ZNF536: variants seen among roughly 807,000 people sequenced by gnomAD.
ZNF536 encodes zinc finger protein 536.
A neutral mutation model predicts 84.5 loss-of-function variants in ZNF536; 13 were observed. The observed-to-expected ratio is 0.15, with a 90% CI of 0.10 to 0.24. ZNF536 has a LOEUF of 0.24. Ranked by LOEUF, ZNF536 falls within the 10% of genes least tolerant of loss-of-function variation. ZNF536 has a pLI of 1.00. For synonymous variants in ZNF536, 811 were observed against 742.5 expected (o/e 1.09, Z -1.50); for missense variants, 1,536 against 1,747.5 (o/e 0.88, Z 2.16).
chr19:30,599,477 T>TCCTTCCTTCTTTCCTC (rs1314275722), intron 1 of ZNF536, among the ~76,000 whole-genome samples: 4 of 102,432 alleles, frequency 3.9e-5, no homozygotes, highest in Non-Finnish European at 5.7e-5. Flanking sequence ...CCTCCTTCCT[T>TCCTTCCTTCTTTCCTC]CCTTCCCTCC....
chr19:30,371,816 A>G (rs1043001903), upstream of ZNF536, among the ~76,000 whole-genome samples: 3 of 150,958 alleles, frequency 2.0e-5, no homozygotes, highest in African/African-American at 7.3e-5. Context: ...ATATATATAT[A>G]TGCATATATA....
chr19:30,649,235 G>A (rs1315430398), intron 1 of ZNF536, among the ~76,000 whole-genome samples: 1 of 152,192 alleles, frequency 6.6e-6, no homozygotes, highest in Non-Finnish European at 1.5e-5. Context: ...CACATTTCCA[G>A]AATCGGACAT....
At chr19:30,701,232 GACACAC>G (rs1448856078) in intron 1 of ZNF536, among the ~76,000 whole-genome samples, 1 of 145,650 alleles carries the variant, frequency 6.9e-6, no homozygotes, top group Non-Finnish European at 1.5e-5. Flanking sequence ...AACACACACA[GACACAC>G]ACAAACACAA....
chr19:30,477,208 G>A (rs951835277), intron 2 of ZNF536, among the ~76,000 whole-genome samples: 1 of 152,118 alleles, frequency 6.6e-6, no homozygotes, highest in African/African-American at 2.4e-5. Context: ...TCACCCTTAT[G>A]TATTTAACTA....
At chr19:30,536,156 C>T (rs940692806) in intron 3 of ZNF536, among the ~76,000 whole-genome samples, 5 of 152,192 alleles carry the variant, frequency 3.3e-5, no homozygotes, top group Non-Finnish European at 7.4e-5. Context: ...ATGCGACCTG[C>T]CCATGCCTTG....
intron 3 of ZNF536, among the ~76,000 whole-genome samples, chr19:30,537,447 C>T (rs1212265899): frequency 6.6e-6 from 1 of 152,182 alleles, no homozygotes. Context: ...ACACAGAACC[C>T]TGGACCACAT....
At chr19:30,338,149 G>A (rs2047443604) in intron 2 of ZNF536, among the ~76,000 whole-genome samples, 1 of 151,804 alleles carries the variant, frequency 6.6e-6, no homozygotes, top group African/African-American at 2.4e-5. Context: ...TGATGATTGT[G>A]ATGATTGTGA....
chr19:30,400,160 C>G (rs1259938363), intron 1 of ZNF536, among the ~76,000 whole-genome samples: 1 of 151,020 alleles, frequency 6.6e-6, no homozygotes. Flanking sequence ...CAGAATTTGG[C>G]TGTTATAGCC....
intron 2 of ZNF536, among the ~76,000 whole-genome samples, chr19:30,507,174 C>A (rs2055209545): frequency 1.3e-5 from 2 of 152,056 alleles, no homozygotes; most frequent in Admixed American, 1.3e-4. Flanking sequence ...CCAGCCTGGC[C>A]AATATGGCAA....
intron 1 of ZNF536, among the ~76,000 whole-genome samples, chr19:30,422,109 C>T (rs1413462991): frequency 5.3e-5 from 8 of 152,168 alleles, no homozygotes; most frequent in East Asian, 3.9e-4. Context: ...AGGTGATATG[C>T]GGGTGCCTGA....
intron 1 of ZNF536, among the ~76,000 whole-genome samples, chr19:30,705,493 A>G (rs932798696): frequency 6.6e-6 from 1 of 151,536 alleles, no homozygotes; most frequent in African/African-American, 2.4e-5. Flanking sequence ...TAAGTACTTT[A>G]TATCCATTGG....
At chr19:30,545,352 A>G (rs2045500767) in intron 3 of ZNF536, among the ~76,000 whole-genome samples, 1 of 147,966 alleles carries the variant, frequency 6.8e-6, no homozygotes, top group South Asian at 2.1e-4. Context: ...TCTAATGCAC[A>G]ATACAGTTTA....
intron 1 of ZNF536, among the ~76,000 whole-genome samples, chr19:30,706,517 G>A (rs965446991): frequency 6.6e-6 from 1 of 150,924 alleles, no homozygotes; most frequent in Non-Finnish European, 1.5e-5. Context: ...AAATACAATA[G>A]ACAGTTTTGC....
intron 2 of ZNF536, among the ~76,000 whole-genome samples, chr19:30,491,555 G>A (rs1408454911): frequency 1.3e-5 from 2 of 152,134 alleles, no homozygotes; most frequent in Non-Finnish European, 2.9e-5. Context: ...TGTGTCCCCT[G>A]CCCTCCCCTC....
rs867500698 is a variant in ZNF536 at position 30,606,296 on chromosome 19, A to T, written c.169+56782A>T. Among the ~76,000 whole-genome samples, 94 of 110,962 alleles carry T rather than the reference A, an allele frequency of 8.5e-4. 4 individuals are homozygous for T. The highest frequency in any genetic ancestry group is 3.3e-3 in the African/African-American group (90 of 27,446). The allele number at this position is 110,962 out of a possible 152,430, so 72.8% of individuals were successfully genotyped here. ...TAAAATAAAATAAAATAAAATAAAT[A>T]AAATAAAATAAAATAAAATAAAAAT... is the stretch of plus-strand genomic sequence containing the variant. On this transcript the variant is annotated intron_variant, in intron 1 of 1. Transcript: ENST00000592773.
At position 30,411,667 on chromosome 19, in the gene ZNF536, T is replaced by C. The variant is rs184555418; in HGVS notation, c.-2-31894T>C. 6.7e-3 allele frequency among the ~76,000 whole-genome samples: 1,013 copies of C among 152,276 alleles called. 47 individuals carry two copies. Among genetic ancestry groups the C allele is most frequent in the Admixed American group, 0.061 (937 of 15,304 alleles). ...TACCTGGTTCATTGACATATTTGTC[T>C]ACTTCTGTATACTACCACATTATTT... On this transcript the variant is annotated intron_variant, in intron 1 of 4. Transcript: ENST00000355537.
chr19:30,247,304 C>G (rs2024334715), intron 1 of ZNF536, among the ~76,000 whole-genome samples: 1 of 152,216 alleles, frequency 6.6e-6, no homozygotes, highest in Admixed American at 6.5e-5. Context: ...TACTTTATTA[C>G]CTACATGGGA....
At chr19:30,652,814 G>T (rs2049759105) in intron 1 of ZNF536, among the ~76,000 whole-genome samples, 2 of 152,148 alleles carry the variant, frequency 1.3e-5, no homozygotes, top group African/African-American at 2.4e-5. Context: ...CTTCACCTGG[G>T]GCGTGGGCTT....
chr19:30,255,960 G>T (rs564667045), intron 1 of ZNF536, among the ~76,000 whole-genome samples: 2 of 152,178 alleles, frequency 1.3e-5, no homozygotes, highest in Non-Finnish European at 2.9e-5. Context: ...GCATTGGGCT[G>T]GGGGGAGAGT....
Sources: gnomAD v4.1 joint callset for allele counts (sites outside exome capture counted in the v4.1 genomes callset) on GRCh38, gnomAD v4.1.1 for gene constraint, MANE v1.5 for transcripts, NCBI Gene and HGNC (gene_info 2026-07-23, HGNC 2026-07-21) for gene names.